Variants in TNNT2 observed in about 807,000 individuals in gnomAD.
The protein encoded by TNNT2 is troponin T2, cardiac type.
TNNT2 carries 34 observed loss-of-function variants against 62.4 expected under a neutral mutation model. That is an observed-to-expected ratio of 0.54 (90% CI 0.41 to 0.72). TNNT2 has a LOEUF of 0.72. TNNT2 is among the 30% of genes least tolerant of loss of function. The pLI is 0.00. For missense variants in TNNT2, 275 were observed against 381.9 expected (o/e 0.72, Z 2.33); for synonymous variants, 123 against 127.2 (o/e 0.97, Z 0.22).
chr1:201,369,320 C>T (rs1210399120), intron 5 of TNNT2: 1 of 472,634 alleles, frequency 2.1e-6, no homozygotes, highest in South Asian at 1.5e-5. Context: ...CATCTGAAGG[C>T]TGACGTCATG....
rs962744282 is a variant in TNNT2 at position 201,366,300 on chromosome 1, C to A, written c.233+538G>T. On this transcript the variant is annotated intron_variant, in intron 8 of 16. Coordinates refer to ENST00000656932, the MANE Select transcript of TNNT2 (RefSeq NM_001276345.2). ...AAGAGCCTGTGAGTGGGCAGAGGTG[C>A]CATGGGTCAACCTCTGCTGGCAGGG... The A allele has an allele frequency of 9.7e-5, 99 of 1,023,502 alleles. No homozygotes were observed. The African/African-American group carries it at 1.5e-3, about 16-fold the overall frequency. 63.4% of individuals were successfully genotyped at this position (1,023,502 alleles called of 1,614,324 possible). A position where few individuals can be genotyped will look rare whatever the true frequency, so the allele number is the denominator to read the frequency against.
chr1:201,364,708 G>A (rs945890082), intron 10 of TNNT2, among the ~76,000 whole-genome samples: 8 of 152,222 alleles, frequency 5.3e-5, no homozygotes, highest in African/African-American at 1.9e-4. Flanking sequence ...TTGGATAGAT[G>A]GCCAAGTCAT....
At chr1:201,368,791 C>T (rs550107876) in intron 5 of TNNT2, among the ~76,000 whole-genome samples, 2 of 152,302 alleles carry the variant, frequency 1.3e-5, no homozygotes, top group South Asian at 4.1e-4. Context: ...TGCCGCCTGG[C>T]CTGGGCTGTG....
chr1:201,366,165 C>G, intron 8 of TNNT2: 2 of 1,053,040 alleles, frequency 1.9e-6, no homozygotes, highest in Non-Finnish European at 2.3e-6. Flanking sequence ...GTGTGTGGAG[C>G]TGAAATGAGA....
chr1:201,361,486 C>A, intron 14 of TNNT2, 117 bp from the exon 15 acceptor site: 1 of 994,442 alleles, frequency 1.0e-6, no homozygotes, highest in African/African-American at 1.6e-5. Context: ...TCCAGGCCTG[C>A]CAAGGGTACC....
chr1:201,360,034 C>T (rs1161309842), intron 15 of TNNT2, among the ~76,000 whole-genome samples: 1 of 152,180 alleles, frequency 6.6e-6, no homozygotes, highest in African/African-American at 2.4e-5. Context: ...TGCCCAGCTG[C>T]CCACCATCCC....
chr1:201,369,935 C>A (rs1018784172), intron 4 of TNNT2, 90 bp from the exon 5 acceptor site: 7 of 1,474,164 alleles, frequency 4.7e-6, no homozygotes, highest in African/African-American at 1.4e-5. Context: ...AGCCACCCAG[C>A]GCAGTGGTTT....
rs778426227 is a variant in TNNT2 at position 201,365,293 on chromosome 1, C to T, written c.309G>A (p.Lys103=). 3.7e-6 allele frequency: 6 copies of T among 1,614,122 alleles called. No individual in the cohort carries two copies. In the South Asian group the frequency reaches 6.6e-5, roughly 18 times the overall value. The change falls in exon 10 of 17, where the codon AAG becomes AAA. Residue 103 remains lysine, a synonymous_variant. Coordinates refer to ENST00000656932, the MANE Select transcript of TNNT2 (RefSeq NM_001276345.2). The part of the protein sequence containing the change: ...ERVDFDDIHR[K]RMEKDLNELQ... ...ACTCATTCAGGTCCTTCTCCATGCG[C>T]TTCCGGTGGATGTCCTGTGGGTGGA...
intron 16 of TNNT2, 49 bp downstream of exon 16, chr1:201,359,573 GA>G: frequency 6.5e-7 from 1 of 1,549,844 alleles, no homozygotes; most frequent in Non-Finnish European, 8.8e-7. Context: ...GGAAGGTAGG[GA>G]AGGAGGGGGC....
rs557412359 is a variant in TNNT2 at position 201,361,665 on chromosome 1, G to T, written c.719+248C>A. 3.3e-5 allele frequency among the ~76,000 whole-genome samples: 5 copies of T among 152,378 alleles called. No homozygotes were observed. The South Asian group carries it at 8.3e-4, about 25-fold the overall frequency. ...AGTTCAATCCCCTGTCCTGACACCC[G>T]TGTGCAGGTGGGTAGGTGAAGCTCA... On this transcript the variant is annotated intron_variant, in intron 14 of 16. Coordinates refer to ENST00000656932, the MANE Select transcript of TNNT2 (RefSeq NM_001276345.2).
intron 10 of TNNT2, among the ~76,000 whole-genome samples, chr1:201,364,771 C>G (rs1465620663): frequency 6.6e-6 from 1 of 152,172 alleles, no homozygotes; most frequent in Non-Finnish European, 1.5e-5. Flanking sequence ...TGGGGAGAAA[C>G]AAAAGCAATC....
intron 11 of TNNT2, chr1:201,363,698 C>T (rs981075714): frequency 8.9e-6 from 4 of 447,280 alleles, no homozygotes; most frequent in South Asian, 2.1e-5. Context: ...AGCAGCTGCA[C>T]AGGAAGAGAG....
At chr1:201,359,770 G>T in intron 15 of TNNT2, 107 bp from the exon 16 acceptor site, 1 of 938,680 alleles carries the variant, frequency 1.1e-6, no homozygotes, top group Non-Finnish European at 1.7e-6. Context: ...AGTGCAGGAG[G>T]AGAAGGAGGA....
intron 14 of TNNT2, 136 bp from the exon 15 acceptor site, chr1:201,361,505 C>A (rs1301290998): frequency 3.5e-6 from 3 of 855,776 alleles, no homozygotes; most frequent in East Asian, 2.5e-5. Flanking sequence ...CCCCAGCCCA[C>A]CCCCTGGGCC....
chr1:201,371,981 G>T, intron 4 of TNNT2, 46 bp downstream of exon 4: 1 of 1,613,366 alleles, frequency 6.2e-7, no homozygotes, highest in Non-Finnish European at 8.5e-7. Context: ...TTTCCACATT[G>T]CTGAGCCTGC....
chr1:201,374,541 G>A (rs1661110531), intron 1 of TNNT2: 1 of 152,208 alleles, frequency 6.6e-6, no homozygotes, highest in African/African-American at 2.4e-5. Context: ...GTAATCACAG[G>A]GAGGGGGCAG....
chr1:201,361,343 C>T lies in TNNT2; in HGVS notation c.746G>A (p.Ser249Asn). 1 of 1,614,182 alleles carries T rather than the reference C, an allele frequency of 6.2e-7. No homozygotes were observed. Among genetic ancestry groups the T allele is most frequent in the Non-Finnish European group, 8.5e-7 (1 of 1,180,016 alleles). The change falls in exon 15 of 17, where the codon AGC becomes AAC. Residue 249 changes from serine (S) to asparagine (N), a missense_variant. Physicochemically the swap from Ser to Asn is conservative, Grantham distance 46. Coordinates refer to ENST00000656932, the MANE Select transcript of TNNT2 (RefSeq NM_001276345.2). Reference protein sequence around the residue: ...LREKAKELWQSIYNLEAEKFD... With the variant: ...LREKAKELWQNIYNLEAEKFD... Reference sequence around the variant, plus strand: ...CTTCTCTGCCTCCAAGTTATAGATGCTCTGCCACAGCTCCTTGGCCTTCTC... The same window carrying T: ...CTTCTCTGCCTCCAAGTTATAGATGTTCTGCCACAGCTCCTTGGCCTTCTC...
chr1:201,371,915 C>G (rs1447782617), intron 4 of TNNT2, 112 bp downstream of exon 4: 1 of 1,436,602 alleles, frequency 7.0e-7, no homozygotes, highest in Non-Finnish European at 9.7e-7. Context: ...GAGGATCTTG[C>G]TCAGCTGAGA....
At position 201,367,752 on chromosome 1, in the gene TNNT2, T is replaced by G; in HGVS notation, c.199+19A>C. On this transcript the variant is annotated intron_variant, in intron 7 of 16. Coordinates refer to ENST00000656932, the MANE Select transcript of TNNT2 (RefSeq NM_001276345.2). ...GGGGTTCCTTTGCCTCCCTTGTACC[T>G]CTCTCCTGATATCCTTACCTTCAGC... 6.2e-7 allele frequency: 1 copy of G among 1,614,054 alleles called. No homozygotes were observed. The highest frequency in any genetic ancestry group is 8.5e-7 in the Non-Finnish European group (1 of 1,179,896).
Sources: gnomAD v4.1 joint callset for allele counts (sites outside exome capture counted in the v4.1 genomes callset) on GRCh38, gnomAD v4.1.1 for gene constraint, MANE v1.5 for transcripts, NCBI Gene and HGNC (gene_info 2026-07-23, HGNC 2026-07-21) for gene names.